Variants in CREB5 observed in about 807,000 individuals in gnomAD.
CREB5 encodes cAMP responsive element binding protein 5.
Under a neutral mutation model 57.1 loss-of-function variants are expected in CREB5, and 19 were observed. The ratio of observed to expected loss-of-function variants is 0.33; its 90% CI spans 0.23 to 0.49. CREB5 has a LOEUF of 0.49. CREB5 is among the 20% of genes least tolerant of loss of function. The pLI is 0.99. For synonymous variants in CREB5, 238 were observed against 238.3 expected, an observed-to-expected ratio of 1.00 and a Z score of 0.01; for missense variants, 579 against 671.6, an observed-to-expected ratio of 0.86 and a Z score of 1.52.
rs544901454 is a variant in CREB5, at chr7:28,432,602, A to G, written c.3+19685A>G. 3.3e-5 allele frequency among the ~76,000 whole-genome samples: 5 copies of G among 152,276 alleles called. No individual in the cohort carries two copies. In the South Asian group the frequency reaches 1.0e-3, roughly 32 times the overall value. On this transcript the variant is annotated intron_variant, in intron 1 of 10. Coordinates refer to ENST00000357727, the MANE Select transcript of CREB5 (RefSeq NM_182898.4). ...GGGAAAGGAAAAGTTCTTAAGTCTTAACGCTGGAATTCAACCAATTCTAAT... is the reference window on the plus strand; with the variant it reads ...GGGAAAGGAAAAGTTCTTAAGTCTTGACGCTGGAATTCAACCAATTCTAAT...
At position 28,571,995 on chromosome 7, in the gene CREB5, A is replaced by G. The variant is rs1362100264; in HGVS notation, c.464+1458A>G. On this transcript the variant is annotated intron_variant, in intron 5 of 10. Transcript: ENST00000357727. ...TATTGGAAGTGATAATTAAAAACTT[A>G]GAAACTGCTCCACAATTTGTCAGTA... Among the ~76,000 whole-genome samples, 6 of 152,228 alleles carry G rather than the reference A, an allele frequency of 3.9e-5. No individual in the cohort carries two copies. The East Asian group carries it at 1.2e-3, about 29-fold the overall frequency.
chr7:28,343,674 T>C (rs1276927091), intron 1 of CREB5, among the ~76,000 whole-genome samples: 1 of 152,226 alleles, frequency 6.6e-6, no homozygotes, highest in South Asian at 2.1e-4. Flanking sequence ...GCAATAAACA[T>C]GGGCATGCAG....
At chr7:28,546,565 T>C (rs1415790184) in intron 4 of CREB5, among the ~76,000 whole-genome samples, 1 of 152,220 alleles carries the variant, frequency 6.6e-6, no homozygotes, top group East Asian at 1.9e-4. Flanking sequence ...ACTGCATCAC[T>C]GGCCTGTGTA....
intron 1 of CREB5, among the ~76,000 whole-genome samples, chr7:28,466,326 G>A (rs1182360885): frequency 1.3e-5 from 2 of 151,956 alleles, no homozygotes; most frequent in Non-Finnish European, 2.9e-5. Context: ...CTGCTGCAAG[G>A]GAATTTTCAC....
At chr7:28,580,301 T>C (rs1796066752) in intron 5 of CREB5, among the ~76,000 whole-genome samples, 1 of 151,836 alleles carries the variant, frequency 6.6e-6, no homozygotes, top group Non-Finnish European at 1.5e-5. Flanking sequence ...CAAATAAAAA[T>C]CTGATGAAAT....
chr7:28,678,486 C>T (rs1472262896), intron 5 of CREB5, among the ~76,000 whole-genome samples: 1 of 152,092 alleles, frequency 6.6e-6, no homozygotes, highest in Non-Finnish European at 1.5e-5. Context: ...AAAACTTATA[C>T]CAAAGCATTT....
In CREB5 at chr7:28,526,320, T is replaced by C. The variant is rs1793447822; in HGVS notation, c.291+18583T>C. ...TGCCCAGTATTTATTTTTAGGAAGG[T>C]TTGGCAGATGTTAGGTAGGCTGACT... On this transcript the variant is annotated intron_variant, in intron 4 of 10. Coordinates refer to ENST00000357727, the MANE Select transcript of CREB5 (RefSeq NM_182898.4). Among the ~76,000 whole-genome samples the C allele has an allele frequency of 4.0e-5, 6 of 151,248 alleles. No individual in the cohort carries two copies. In the Admixed American group the frequency reaches 4.0e-4, roughly 10 times the overall value.
intron 7 of CREB5, among the ~76,000 whole-genome samples, chr7:28,726,069 G>C (rs1425202646): frequency 6.6e-6 from 1 of 152,180 alleles, no homozygotes; most frequent in East Asian, 1.9e-4. Flanking sequence ...AATCATGTCA[G>C]TTGGAAACAA....
intron 1 of CREB5, among the ~76,000 whole-genome samples, chr7:28,460,502 C>T (rs1368131287): frequency 6.6e-6 from 1 of 152,134 alleles, no homozygotes; most frequent in African/African-American, 2.4e-5. Context: ...AGTCTGACTC[C>T]AGAGCCTGAA....
chr7:28,746,124 G>A (rs958687321), intron 7 of CREB5, among the ~76,000 whole-genome samples: 2 of 152,184 alleles, frequency 1.3e-5, no homozygotes, highest in African/African-American at 4.8e-5. Flanking sequence ...TCCTTTAGAA[G>A]TTGATCTCTA....
At chr7:28,669,558 T>C (rs1468639389) in intron 5 of CREB5, among the ~76,000 whole-genome samples, 1 of 152,186 alleles carries the variant, frequency 6.6e-6, no homozygotes, top group East Asian at 1.9e-4. Context: ...ACAGGAAGGC[T>C]CTGCTCTAGG....
In CREB5 at chr7:28,824,077, G is replaced by A. The variant is rs1314559013; in HGVS notation, c.*4798G>A. ...CCACCCCTCCTCCAAGGCTCTGAGC[G>A]GCATCATTTAAAATACTTTACAGAT... On this transcript the variant is annotated 3_prime_UTR_variant, in exon 11 of 11. Coordinates refer to ENST00000357727, the MANE Select transcript of CREB5 (RefSeq NM_182898.4). The A allele has an allele frequency of 4.7e-5, 7 of 149,276 alleles. No homozygotes were observed. The highest frequency in any genetic ancestry group is 7.6e-5 in the African/African-American group (3 of 39,686). 9.2% of individuals were successfully genotyped at this position (149,276 alleles called of 1,614,324 possible).
At chr7:28,439,835 T>A (rs951346433) in intron 1 of CREB5, among the ~76,000 whole-genome samples, 1 of 152,170 alleles carries the variant, frequency 6.6e-6, no homozygotes, top group Non-Finnish European at 1.5e-5. Context: ...CATTATTATT[T>A]TTCTCTGTGC....
rs10699932 is a variant in CREB5 at position 28,330,401 on chromosome 7, CTTTTTTTT to C, written c.-25+30973_-25+30980del. ...TTTAGCTTGTGCTAAGAGAACCTTACTTTTTTTTTTTTTTTTTTTTGCATATTTAGTTT... is the reference window on the plus strand; with the variant it reads ...TTTAGCTTGTGCTAAGAGAACCTTACTTTTTTTTTTTTGCATATTTAGTTT... On this transcript the variant is annotated intron_variant, in intron 1 of 9. Transcript: ENST00000396299. Among the ~76,000 whole-genome samples, 4 of 88,538 alleles carry C rather than the reference CTTTTTTTT, an allele frequency of 4.5e-5. No individual in the cohort carries two copies. The East Asian group carries it at 1.3e-3, about 28-fold the overall frequency. The allele number at this position is 88,538 out of a possible 152,430, so 58.1% of individuals were successfully genotyped here. A position where few individuals can be genotyped will look rare whatever the true frequency, so the allele number is the denominator to read the frequency against.
intron 5 of CREB5, among the ~76,000 whole-genome samples, chr7:28,643,487 C>A (rs1438142166): frequency 1.3e-5 from 2 of 152,158 alleles, no homozygotes; most frequent in Non-Finnish European, 2.9e-5. Context: ...CACCCTCCCC[C>A]ACCTTACACA....
chr7:28,538,306 G>A (rs1454344619), intron 4 of CREB5, among the ~76,000 whole-genome samples: 1 of 152,048 alleles, frequency 6.6e-6, no homozygotes, highest in Non-Finnish European at 1.5e-5. Flanking sequence ...TGCCCGCTTC[G>A]GCCTCCCAAA....
At chr7:28,429,670 A>G (rs1342949195) in intron 1 of CREB5, among the ~76,000 whole-genome samples, 1 of 152,168 alleles carries the variant, frequency 6.6e-6, no homozygotes, top group Admixed American at 6.5e-5. Flanking sequence ...TGAAAAGAAA[A>G]GGAATTTAAG....
intron 5 of CREB5, among the ~76,000 whole-genome samples, chr7:28,626,204 C>T (rs753210955): frequency 6.6e-6 from 1 of 152,162 alleles, no homozygotes; most frequent in Admixed American, 6.5e-5. Context: ...AAGATTGCTT[C>T]TTGTCAAATG....
chr7:28,313,607 G>C (rs1026842200), intron 1 of CREB5, among the ~76,000 whole-genome samples: 1 of 152,090 alleles, frequency 6.6e-6, no homozygotes, highest in Non-Finnish European at 1.5e-5. Flanking sequence ...AGTGTGTTTC[G>C]GGGATGGGAG....
Sources: gnomAD v4.1 joint callset for allele counts (sites outside exome capture counted in the v4.1 genomes callset) on GRCh38, gnomAD v4.1.1 for gene constraint, MANE v1.5 for transcripts, NCBI Gene and HGNC (gene_info 2026-07-23, HGNC 2026-07-21) for gene names.